TRPV2: variants seen among roughly 807,000 people sequenced by gnomAD.
TRPV2 encodes the protein OTRPC2.
TRPV2 carries 58 observed loss-of-function variants against 91.0 expected under a neutral mutation model. That is an observed-to-expected ratio of 0.64 (90% CI 0.52 to 0.79). The LOEUF is 0.79. Ranked by LOEUF, TRPV2 falls within the 30% of genes least tolerant of loss-of-function variation. TRPV2 has a pLI of 0.00. For synonymous variants in TRPV2, 417 were observed against 414.8 expected (o/e 1.01, Z -0.06); for missense variants, 807 against 969.6 (o/e 0.83, Z 2.23).
intron 1 of TRPV2, among the ~76,000 whole-genome samples, chr17:16,417,248 A>G (rs2093335127): frequency 6.8e-6 from 1 of 147,374 alleles, no homozygotes; most frequent in Non-Finnish European, 1.5e-5. Context: ...TAATGGCAAA[A>G]ACCGCAATTT....
chr17:16,415,720 C>G lies in TRPV2; in HGVS notation c.-221C>G, dbSNP rs1480370971. ...AGAGCTGGGGAGGGAGGTTCCGCCGCTCCTCTGCTGTCAGCGCCGGCAGCC... is the reference window on the plus strand; with the variant it reads ...AGAGCTGGGGAGGGAGGTTCCGCCGGTCCTCTGCTGTCAGCGCCGGCAGCC... On this transcript the variant is annotated 5_prime_UTR_variant, in exon 1 of 15. Transcript: ENST00000338560. The surrounding 1 kb of genome is among the most constrained non-coding windows in gnomAD (Gnocchi z 4.5). 3 of 152,224 alleles carry G rather than the reference C, an allele frequency of 2.0e-5. No homozygotes were observed. Among genetic ancestry groups the G allele is most frequent in the Non-Finnish European group, 2.9e-5 (2 of 68,052 alleles). The allele number at this position is 152,224 out of a possible 1,614,324, so 9.4% of individuals were successfully genotyped here. A position where few individuals can be genotyped will look rare whatever the true frequency, so the allele number is the denominator to read the frequency against.
rs1457418382 is a variant in TRPV2 at position 16,424,630 on chromosome 17, CTTTA to C, written c.924+866_924+869del. On this transcript the variant is annotated intron_variant, in intron 5 of 14. Transcript: ENST00000338560. ...GAATTTTTAAAAGTCGTTTGTGTTTCTTTATTAAGAGATAGCCTTTTTATATCTT... is the reference window on the plus strand; with the variant it reads ...GAATTTTTAAAAGTCGTTTGTGTTTCTTAAGAGATAGCCTTTTTATATCTT... 1.1e-4 allele frequency among the ~76,000 whole-genome samples: 16 copies of C among 152,100 alleles called. 1 individual carries two copies. Among genetic ancestry groups the C allele is most frequent in the Non-Finnish European group, 2.9e-5 (2 of 68,016 alleles).
rs568776958 is a variant in TRPV2 at position 16,429,200 on chromosome 17, G to T, written c.1587+218G>T. 2.0e-5 allele frequency among the ~76,000 whole-genome samples: 3 copies of T among 152,370 alleles called. No individual in the cohort carries two copies. In the East Asian group the frequency reaches 5.8e-4, roughly 29 times the overall value. On this transcript the variant is annotated intron_variant, in intron 10 of 14. Transcript: ENST00000338560. The stretch of plus-strand genomic sequence containing the variant: ...CAAACGTACATATGTGTGTTTGCAG[G>T]TGTCCACACGGGAGCATGTGCATCC...
chr17:16,432,337 C>T (rs2093417198), intron 12 of TRPV2, 37 bp downstream of exon 12: 3 of 1,564,050 alleles, frequency 1.9e-6, no homozygotes, highest in Admixed American at 1.7e-5. Context: ...CACCCCACCC[C>T]ACACTCAGGC....
Position 16,416,885 on chromosome 17 carries a change from C to A in TRPV2, c.-107-677C>A, listed in dbSNP as rs545116466. ...CCTTCTTTGGCGAGGGGTTGAGTGA[C>A]TGGCCCCATCCCAGTCATCGCACTT... is the stretch of plus-strand genomic sequence containing the variant. On this transcript the variant is annotated intron_variant, in intron 1 of 14. Coordinates refer to ENST00000338560, the MANE Select transcript of TRPV2 (RefSeq NM_016113.5). Among the ~76,000 whole-genome samples, 6 of 152,338 alleles carry A rather than the reference C, an allele frequency of 3.9e-5. 1 individual carries two copies. The South Asian group carries it at 1.2e-3, about 32-fold the overall frequency.
rs114037425 is a variant in TRPV2, at chr17:16,436,770, G to A, written c.2195-19G>A. ...ACACACTCAAGGGTTAAGCTACAGT[G>A]CTTGCCATCTGTTTACAGGAACTCT... On this transcript the variant is annotated intron_variant, in intron 14 of 14. Coordinates refer to ENST00000338560, the MANE Select transcript of TRPV2 (RefSeq NM_016113.5). 992 of 1,583,952 alleles carry A rather than the reference G, an allele frequency of 6.3e-4. 3 individuals are homozygous for A. In the African/African-American group the frequency reaches 0.012, roughly 19 times the overall value.
rs377020697 is a variant in TRPV2, at chr17:16,431,793, C to T, written c.1597C>T (p.Arg533Trp). 7 of 1,614,110 alleles carry T rather than the reference C, an allele frequency of 4.3e-6. No individual in the cohort carries two copies. Among genetic ancestry groups the T allele is most frequent in the Non-Finnish European group, 5.1e-6 (6 of 1,180,004 alleles). ...YSVMIQKVIL[R>W]DLLRFLLIYL... The stretch of plus-strand genomic sequence containing the variant: ...GGCACATGTGTTCCAGGTCATCCTG[C>T]GGGACCTGCTGCGCTTCCTTCTGAT... The change falls in exon 11 of 15, where the codon CGG (arginine) becomes TGG (tryptophan). Residue 533 changes from arginine (R) to tryptophan (W), a missense_variant. Transcript: ENST00000338560.
In TRPV2 at chr17:16,426,982, T is replaced by G. The variant is rs1475448172; in HGVS notation, c.1251+105T>G. The stretch of plus-strand genomic sequence containing the variant: ...AGTGCTGAGGCATGGGCTGCTGGAG[T>G]GACATTCCCAAGCTTATGGGAGCCA... On this transcript the variant is annotated intron_variant, in intron 7 of 14. Transcript: ENST00000338560. This position sits in a 1 kb window ranked among gnomAD's most constrained non-coding sequence, Gnocchi z 6.0. 1 of 1,339,420 alleles carries G rather than the reference T, an allele frequency of 7.5e-7. No individual in the cohort carries two copies. The highest frequency in any genetic ancestry group is 2.3e-5 in the East Asian group (1 of 43,170). The allele number at this position is 1,339,420 out of a possible 1,614,324, so 83.0% of individuals were successfully genotyped here. A position where few individuals can be genotyped will look rare whatever the true frequency, so the allele number is the denominator to read the frequency against.
intron 14 of TRPV2, among the ~76,000 whole-genome samples, chr17:16,436,232 C>G (rs2093433480): frequency 1.3e-5 from 2 of 152,180 alleles, no homozygotes; most frequent in Admixed American, 6.5e-5. Flanking sequence ...CCATTGCAGT[C>G]CTGCTAATGT....
chr17:16,416,377 CTT>C (rs2093330589), intron 1 of TRPV2: 1 of 153,984 alleles, frequency 6.5e-6, no homozygotes, highest in South Asian at 2.0e-4. Flanking sequence ...CCTTACCACT[CTT>C]TGACTCCTTC....
intron 5 of TRPV2, among the ~76,000 whole-genome samples, chr17:16,425,391 T>C (rs1291266345): frequency 1.3e-5 from 2 of 152,210 alleles, no homozygotes; most frequent in Non-Finnish European, 2.9e-5. Context: ...AGAGTAAACA[T>C]GAGGCAGCCC....
chr17:16,420,020 T>C, intron 2 of TRPV2, 95 bp from the exon 3 acceptor site: 3 of 1,538,242 alleles, frequency 2.0e-6, no homozygotes, highest in Non-Finnish European at 2.6e-6. Flanking sequence ...GTGCAGTGTG[T>C]ACAGGACTCC....
At position 16,417,658 on chromosome 17, in the gene TRPV2, C is replaced by A; in HGVS notation, c.-11C>A. 1 of 1,613,388 alleles carries A rather than the reference C, an allele frequency of 6.2e-7. No individual in the cohort carries two copies. The highest frequency in any genetic ancestry group is 8.5e-7 in the Non-Finnish European group (1 of 1,179,622). On this transcript the variant is annotated 5_prime_UTR_variant, in exon 2 of 15. Coordinates refer to ENST00000338560, the MANE Select transcript of TRPV2 (RefSeq NM_016113.5). ...GGTCCTGGCTGGACCGAGCAGCCTC[C>A]TCCTCCTAGGATGACCTCACCCTCC... is the stretch of plus-strand genomic sequence containing the variant.
At position 16,415,690 on chromosome 17, in the gene TRPV2, T is replaced by G. The variant is rs1260373997; in HGVS notation, c.-251T>G. On this transcript the variant is annotated 5_prime_UTR_variant, in exon 1 of 15. Coordinates refer to ENST00000338560, the MANE Select transcript of TRPV2 (RefSeq NM_016113.5). This position sits in a 1 kb window ranked among gnomAD's most constrained non-coding sequence, Gnocchi z 4.5. Reference sequence around the variant, plus strand: ...CCAGAACCTGCTTGCTGGAGCTTAGTGCTCAGAGCTGGGGAGGGAGGTTCC... The same window carrying G: ...CCAGAACCTGCTTGCTGGAGCTTAGGGCTCAGAGCTGGGGAGGGAGGTTCC... 1 of 152,160 alleles carries G rather than the reference T, an allele frequency of 6.6e-6. No homozygotes were observed. The highest frequency in any genetic ancestry group is 1.5e-5 in the Non-Finnish European group (1 of 68,042). 9.4% of individuals were successfully genotyped at this position (152,160 alleles called of 1,614,324 possible).
In TRPV2 at chr17:16,436,919, C is replaced by T; in HGVS notation, c.*30C>T. The T allele has an allele frequency of 6.4e-7, 1 of 1,561,344 alleles. No homozygotes were observed. The highest frequency in any genetic ancestry group is 8.8e-7 in the Non-Finnish European group (1 of 1,132,094). ...CCAGATGCAGCAGGAGGCCAGAGGA[C>T]AGAGCAGAGGATCTTTCCAACCACA... is the stretch of plus-strand genomic sequence containing the variant. On this transcript the variant is annotated 3_prime_UTR_variant, in exon 15 of 15. Coordinates refer to ENST00000338560, the MANE Select transcript of TRPV2 (RefSeq NM_016113.5).
chr17:16,425,181 C>T (rs1246885126), intron 5 of TRPV2, among the ~76,000 whole-genome samples: 4 of 151,992 alleles, frequency 2.6e-5, no homozygotes, highest in Non-Finnish European at 4.4e-5. Context: ...TGTGCCACCA[C>T]GCCCGGCTAA....
rs775279311 is a variant in TRPV2 at position 16,427,435 on chromosome 17, G to A, written c.1252-14G>A. Reference sequence around the variant, plus strand: ...GGACCCAAGGCCCTAGGTCTCATCTGAGTGTGTCTTCAGCAGGCCGCCCCT... The same window carrying A: ...GGACCCAAGGCCCTAGGTCTCATCTAAGTGTGTCTTCAGCAGGCCGCCCCT... On this transcript the variant is annotated splice_polypyrimidine_tract_variant and intron_variant, in intron 7 of 14. Coordinates refer to ENST00000338560, the MANE Select transcript of TRPV2 (RefSeq NM_016113.5). 6 of 1,612,948 alleles carry A rather than the reference G, an allele frequency of 3.7e-6. No individual in the cohort carries two copies. Among genetic ancestry groups the A allele is most frequent in the Non-Finnish European group, 5.1e-6 (6 of 1,179,272 alleles).
Position 16,420,156 on chromosome 17 carries a change from A to G in TRPV2, c.242A>G (p.Asn81Ser), listed in dbSNP as rs377493407. ...PNRFDRDRLF[N>S]AVSRGVPEDL... The stretch of plus-strand genomic sequence containing the variant: ...CGATTTGACCGAGATCGGCTCTTCA[A>G]TGCGGTCTCCCGGGGTGTCCCCGAG... Residue 81 changes from asparagine (N) to serine (S), a missense_variant, in exon 3 of 15, where the codon AAT (asparagine) becomes AGT (serine). Transcript: ENST00000338560. The G allele has an allele frequency of 1.1e-5, 18 of 1,614,006 alleles. No homozygotes were observed. The African/African-American group carries it at 1.3e-4, about 12-fold the overall frequency.
chr17:16,423,429 G>A (rs756604036), intron 4 of TRPV2, 40 bp from the exon 5 acceptor site: 1 of 1,556,796 alleles, frequency 6.4e-7, no homozygotes, highest in Admixed American at 1.8e-5. Flanking sequence ...CAGATGGAAA[G>A]CAGGAGGCCT....
Sources: allele counts gnomAD v4.1 joint callset (sites outside exome capture counted in the v4.1 genomes callset), GRCh38; gene constraint gnomAD v4.1.1; non-coding constraint Gnocchi (gnomAD v3.1); transcripts MANE v1.5; gene names NCBI Gene and HGNC (gene_info 2026-07-23, HGNC 2026-07-21).